HOMER2: variants seen among roughly 807,000 people sequenced by gnomAD.
HOMER2 encodes the protein homer protein homolog 2.
In HOMER2, 27 loss-of-function variants were observed where a neutral mutation model predicts 47.0. The observed-to-expected ratio is 0.57, with a 90% confidence interval of 0.42 to 0.79. HOMER2 has a LOEUF of 0.79. Among genes scored for constraint, HOMER2 ranks in the 30% least tolerant of loss-of-function variants. The probability of loss-of-function intolerance (pLI) is 0.00; values close to 1 mark genes in which losing one functional copy is unlikely to be tolerated. For missense variants in HOMER2, 443 were observed against 435.0 expected, an observed-to-expected ratio of 1.02 and a Z score of -0.16; for synonymous variants, 161 against 163.8, an observed-to-expected ratio of 0.98 and a Z score of 0.13.
chr15:82,867,761 G>T (rs1167097990), intron 3 of HOMER2, among the ~76,000 whole-genome samples: 1 of 152,140 alleles, frequency 6.6e-6, no homozygotes, highest in Non-Finnish European at 1.5e-5. Context: ...TACTGACCCA[G>T]TGATACTGCT....
chr15:82,983,844 G>A (rs1426414994), intron 1 of HOMER2, among the ~76,000 whole-genome samples: 1 of 151,586 alleles, frequency 6.6e-6, no homozygotes, highest in South Asian at 2.1e-4. Flanking sequence ...CGCCTGCCTC[G>A]GCCTCTCAAA....
In HOMER2 at chr15:82,975,237, A is replaced by G. The variant is rs183398017; in HGVS notation, n.82+10550T>C. ...AAATGCTGGTGAGGATGTGGAGAAA[A>G]GGGAAGCCTCATACATTGTTGGTGG... On this transcript the variant is annotated intron_variant and non_coding_transcript_variant, in intron 1 of 1. Transcript: ENST00000500334. Among the ~76,000 whole-genome samples, 20 of 152,352 alleles carry G rather than the reference A, an allele frequency of 1.3e-4. No individual in the cohort carries two copies. The East Asian group carries it at 3.5e-3, about 26-fold the overall frequency.
At position 82,914,562 on chromosome 15, in the gene HOMER2, G is replaced by C. The variant is rs563171223; in HGVS notation, c.6-21721C>G. ...TGATTACCAGTGGCTGGGGGAGGAG[G>C]GAATGGGGAGTTATTGCTTAATGGG... On this transcript the variant is annotated intron_variant, in intron 1 of 8. Coordinates refer to ENST00000450735, the MANE Select transcript of HOMER2 (RefSeq NM_004839.4). 1.1e-3 allele frequency among the ~76,000 whole-genome samples: 165 copies of C among 152,170 alleles called. No homozygotes were observed. The Middle Eastern group carries it at 0.024, about 22-fold the overall frequency.
At chr15:82,850,760 TAGGG>T (rs926857919) in intron 8 of HOMER2, among the ~76,000 whole-genome samples, 1 of 152,124 alleles carries the variant, frequency 6.6e-6, no homozygotes, top group African/African-American at 2.4e-5. Context: ...AATCTGAGGA[TAGGG>T]AGGAAGGCCT....
At position 82,970,410 on chromosome 15, in the gene HOMER2, C is replaced by G. The variant is rs148320889; in HGVS notation, n.83-11102G>C. ...TTCCTTCCAAACAATGTAATCTTCC[C>G]TGAAAATGGACCTAATAACATGCCT... is the stretch of plus-strand genomic sequence containing the variant. On this transcript the variant is annotated intron_variant and non_coding_transcript_variant, in intron 1 of 1. Coordinates refer to the HOMER2 transcript ENST00000500334. Among the ~76,000 whole-genome samples the G allele has an allele frequency of 1.3e-3, 196 of 152,314 alleles. 1 individual carries two copies. Among genetic ancestry groups the G allele is most frequent in the Middle Eastern group, 6.8e-3 (2 of 294 alleles).
intron 1 of HOMER2, among the ~76,000 whole-genome samples, chr15:82,912,617 T>C (rs1252984359): frequency 1.3e-5 from 2 of 152,218 alleles, no homozygotes; most frequent in Non-Finnish European, 2.9e-5. Flanking sequence ...AGGAGTGGCA[T>C]TGTTAAGTCA....
chr15:82,908,274 A>G (rs549971288), intron 1 of HOMER2, among the ~76,000 whole-genome samples: 1 of 152,308 alleles, frequency 6.6e-6, no homozygotes, highest in South Asian at 2.1e-4. Flanking sequence ...TATTATGTGA[A>G]TTGTATATTA....
At chr15:82,961,045 C>G (rs1297261839) in intron 1 of HOMER2, among the ~76,000 whole-genome samples, 1 of 152,232 alleles carries the variant, frequency 6.6e-6, no homozygotes, top group Non-Finnish European at 1.5e-5. Flanking sequence ...GATGCCTTAT[C>G]TGGCTGTTGG....
At chr15:82,969,637 T>C (rs1438283306) in intron 1 of HOMER2, among the ~76,000 whole-genome samples, 1 of 152,184 alleles carries the variant, frequency 6.6e-6, no homozygotes, top group Non-Finnish European at 1.5e-5. Flanking sequence ...CTACAATAAA[T>C]GTTTACTTAA....
chr15:82,889,695 G>A (rs1004903981), intron 2 of HOMER2, among the ~76,000 whole-genome samples: 1 of 152,188 alleles, frequency 6.6e-6, no homozygotes, highest in Non-Finnish European at 1.5e-5. Flanking sequence ...AGCAGCAACA[G>A]TTGCTATCAC....
intron 5 of HOMER2, among the ~76,000 whole-genome samples, chr15:82,858,501 A>G (rs2151619911): frequency 6.6e-6 from 1 of 152,206 alleles, no homozygotes; most frequent in Admixed American, 6.5e-5. Context: ...TCATCATGTT[A>G]CCCAGGCTGG....
At chr15:82,919,262 T>C (rs1186185967) in intron 1 of HOMER2, among the ~76,000 whole-genome samples, 1 of 152,226 alleles carries the variant, frequency 6.6e-6, no homozygotes, top group Non-Finnish European at 1.5e-5. Flanking sequence ...GACATGTAAG[T>C]TAACATGCCT....
chr15:82,963,790 T>C (rs2054650693), intron 1 of HOMER2, among the ~76,000 whole-genome samples: 1 of 152,160 alleles, frequency 6.6e-6, no homozygotes, highest in Non-Finnish European at 1.5e-5. Context: ...CTCAGACCAC[T>C]GGCTGCTTTT....
chr15:82,852,399 A>C, intron 6 of HOMER2, 147 bp from the exon 7 acceptor site: 5 of 605,260 alleles, frequency 8.3e-6, no homozygotes, highest in East Asian at 5.9e-5. Context: ...CTATGAACAA[A>C]CCCCATGCAG....
chr15:82,842,318 G>GT (rs964549189), exon 2 of HOMER2: 2 of 149,194 alleles, frequency 1.3e-5, no homozygotes, highest in East Asian at 2.0e-4. Flanking sequence ...TTTTTGTTTT[G>GT]TTTTTTGTTT....
At chr15:82,881,111 C>G (rs2052507648) in intron 2 of HOMER2, among the ~76,000 whole-genome samples, 1 of 152,246 alleles carries the variant, frequency 6.6e-6, no homozygotes, top group African/African-American at 2.4e-5. Context: ...AGGCTCCCAT[C>G]TCTGTGTACA....
chr15:82,891,565 G>T (rs1423147187), intron 2 of HOMER2, among the ~76,000 whole-genome samples: 2 of 152,120 alleles, frequency 1.3e-5, no homozygotes, highest in East Asian at 3.9e-4. Context: ...TCTGTTTGTG[G>T]AGTGTGGGGA....
intron 1 of HOMER2, among the ~76,000 whole-genome samples, chr15:82,904,585 A>G (rs2053232917): frequency 6.6e-6 from 1 of 152,146 alleles, no homozygotes; most frequent in African/African-American, 2.4e-5. Flanking sequence ...CTAATTTACC[A>G]GGGCCCAATC....
intron 1 of HOMER2, among the ~76,000 whole-genome samples, chr15:82,924,229 A>G (rs1053451428): frequency 4.6e-5 from 7 of 152,178 alleles, no homozygotes; most frequent in Admixed American, 2.0e-4. Flanking sequence ...GTTAAGATCA[A>G]TCAGATGTGG....
Sources: allele counts gnomAD v4.1 joint callset (sites outside exome capture counted in the v4.1 genomes callset), GRCh38; gene constraint gnomAD v4.1.1; transcripts MANE v1.5; gene names NCBI Gene and HGNC (gene_info 2026-07-23, HGNC 2026-07-21).